The following ARHGAP5 variants were observed in gnomAD, a reference collection of about 807,000 sequenced individuals.
ARHGAP5 encodes Rho GTPase activating protein 5, also known as rho GTPase-activating protein 5.
ARHGAP5 carries 23 observed loss-of-function variants against 116.6 expected under a neutral mutation model. That is an observed-to-expected ratio of 0.20 (90% CI 0.14 to 0.28). The LOEUF (loss-of-function observed/expected upper bound fraction) is 0.28. ARHGAP5 is among the 10% of genes least tolerant of loss of function. The pLI is 1.00. For synonymous variants in ARHGAP5, 574 were observed against 602.0 expected, an observed-to-expected ratio of 0.95 and a Z score of 0.68; for missense variants, 1,405 against 1,774.8, an observed-to-expected ratio of 0.79 and a Z score of 3.74.
At chr14:32,116,933 A>C (rs374230131) in intron 2 of ARHGAP5, among the ~76,000 whole-genome samples, 48 of 152,244 alleles carry the variant, frequency 3.2e-4, no homozygotes, top group African/African-American at 1.1e-3. Flanking sequence ...TTTTCTTTCA[A>C]TAAGCCATTT....
chr14:32,101,072 C>A (rs971519175), intron 2 of ARHGAP5, among the ~76,000 whole-genome samples: 1 of 151,980 alleles, frequency 6.6e-6, no homozygotes, highest in Non-Finnish European at 1.5e-5. Flanking sequence ...TTTTTAACTT[C>A]TTTTTAAATT....
At chr14:32,141,172 C>T (rs755464841) in intron 3 of ARHGAP5, among the ~76,000 whole-genome samples, 1 of 152,118 alleles carries the variant, frequency 6.6e-6, no homozygotes, top group African/African-American at 2.4e-5. Flanking sequence ...ACTTTTCTAT[C>T]CTTTTACGTT....
chr14:32,120,302 T>C (rs1879819557), intron 3 of ARHGAP5, among the ~76,000 whole-genome samples: 1 of 152,102 alleles, frequency 6.6e-6, no homozygotes, highest in African/African-American at 2.4e-5. Context: ...ATTACTAAAT[T>C]GTGTCTTTTT....
intron 3 of ARHGAP5, among the ~76,000 whole-genome samples, chr14:32,137,999 T>C (rs1362261144): frequency 6.6e-6 from 1 of 151,636 alleles, no homozygotes; most frequent in African/African-American, 2.4e-5. Context: ...AAATTTCACC[T>C]TCCAATCCAC....
At chr14:32,105,506 CAT>C (rs1270356822) in intron 2 of ARHGAP5, among the ~76,000 whole-genome samples, 1 of 151,822 alleles carries the variant, frequency 6.6e-6, no homozygotes, top group Admixed American at 6.6e-5. Context: ...AGAGAGACCC[CAT>C]GTGCTCTTTG....
chr14:32,106,822 A>G (rs1566667808), intron 2 of ARHGAP5, among the ~76,000 whole-genome samples: 1 of 152,178 alleles, frequency 6.6e-6, no homozygotes, highest in Non-Finnish European at 1.5e-5. Context: ...CAAGTGCCTA[A>G]TAGATAGTAA....
Position 32,156,020 on chromosome 14 carries a change from T to C in ARHGAP5, c.*1072T>C, listed in dbSNP as rs760283796. On this transcript the variant is annotated 3_prime_UTR_variant, in exon 7 of 7. Coordinates refer to ENST00000345122, the MANE Select transcript of ARHGAP5 (RefSeq NM_001030055.2). Reference sequence around the variant, plus strand: ...AAAAATACTTTGGGTACTGACAGACTCTTTGGAGTGTTTATATTACAAATT... The same window carrying C: ...AAAAATACTTTGGGTACTGACAGACCCTTTGGAGTGTTTATATTACAAATT... 1 of 152,492 alleles carries C rather than the reference T, an allele frequency of 6.6e-6. No homozygotes were observed. The highest frequency in any genetic ancestry group is 1.9e-4 in the East Asian group (1 of 5,200). The allele number at this position is 152,492 out of a possible 1,614,324, so 9.4% of individuals were successfully genotyped here.
chr14:32,152,818 T>C (rs745773435), intron 6 of ARHGAP5, among the ~76,000 whole-genome samples: 3 of 152,164 alleles, frequency 2.0e-5, no homozygotes, highest in Non-Finnish European at 4.4e-5. Context: ...CAGATTGACC[T>C]ATTTGGAGTT....
intron 6 of ARHGAP5, among the ~76,000 whole-genome samples, chr14:32,153,335 A>T (rs1030786015): frequency 8.4e-6 from 1 of 119,436 alleles, no homozygotes; most frequent in Non-Finnish European, 1.6e-5. Context: ...TGAGCCCGGG[A>T]GGCGGAGGTT....
chr14:32,116,228 A>G (rs1250404983), intron 2 of ARHGAP5, among the ~76,000 whole-genome samples: 4 of 150,146 alleles, frequency 2.7e-5, no homozygotes, highest in Non-Finnish European at 5.9e-5. Flanking sequence ...CGGAGCTTGC[A>G]GTGAGCCTAG....
At position 32,092,574 on chromosome 14, in the gene ARHGAP5, G is replaced by A. The variant is rs761172412; in HGVS notation, c.1905G>A (p.Arg635=). 1 of 1,613,626 alleles carries A rather than the reference G, an allele frequency of 6.2e-7. No homozygotes were observed. Among genetic ancestry groups the A allele is most frequent in the Non-Finnish European group, 8.5e-7 (1 of 1,179,826 alleles). Reference sequence around the variant, plus strand: ...GAAAAATTTATGAACTTGATCTTCGGCCGGTTGATGCCAAATCGCCTTACT... The same window carrying A: ...GAAAAATTTATGAACTTGATCTTCGACCGGTTGATGCCAAATCGCCTTACT... ...LDGKIYELDL[R]PVDAKSPYFL... The change falls in exon 2 of 7, where the codon CGG becomes CGA. Residue 635 remains arginine, a synonymous_variant. Coordinates refer to ENST00000345122, the MANE Select transcript of ARHGAP5 (RefSeq NM_001030055.2). This position sits in a 1 kb window ranked among gnomAD's most constrained non-coding sequence, Gnocchi z 4.1.
At chr14:32,080,934 T>C (rs567296003) in intron 1 of ARHGAP5, among the ~76,000 whole-genome samples, 2 of 152,292 alleles carry the variant, frequency 1.3e-5, no homozygotes, top group African/African-American at 4.8e-5. Context: ...GTGGTTAAAA[T>C]GACTAGTATG....
intron 2 of ARHGAP5, among the ~76,000 whole-genome samples, chr14:32,112,555 G>A (rs759784788): frequency 1.3e-5 from 2 of 152,186 alleles, no homozygotes; most frequent in Non-Finnish European, 2.9e-5. Context: ...GTTCAGATAT[G>A]AATGAATGTA....
At chr14:32,140,117 T>TCC (rs1334157555) in intron 3 of ARHGAP5, among the ~76,000 whole-genome samples, 20 of 109,258 alleles carry the variant, frequency 1.8e-4, no homozygotes, top group African/African-American at 5.7e-4. Context: ...TTTTTTTCCT[T>TCC]TTTTTTTTTT....
At chr14:32,109,528 C>T (rs1412381583) in intron 2 of ARHGAP5, among the ~76,000 whole-genome samples, 1 of 151,958 alleles carries the variant, frequency 6.6e-6, no homozygotes, top group Admixed American at 6.6e-5. Context: ...ATTATTTTTA[C>T]ATTTTATAGC....
chr14:32,143,878 A>T (rs1881250597), intron 3 of ARHGAP5, among the ~76,000 whole-genome samples: 1 of 152,222 alleles, frequency 6.6e-6, no homozygotes. Flanking sequence ...CTTTGTTGTT[A>T]GAGGCTGTCC....
Position 32,154,727 on chromosome 14 carries a change from A to T in ARHGAP5, c.4288A>T (p.Thr1430Ser). ...TTTTGAAAATCGAGAGTTTCTGTCT[A>T]CTACTAAGATTCATCAATCTGTTGT... ...PDFENREFLS[T>S]TKIHQSVVET... Residue 1430 changes from threonine to serine, a missense_variant, in exon 7 of 7, where the codon ACT becomes TCT. Physicochemically the swap from Thr to Ser is moderately conservative, Grantham distance 58. Transcript: ENST00000345122. 1.9e-6 allele frequency: 3 copies of T among 1,614,130 alleles called. No homozygotes were observed. Among genetic ancestry groups the T allele is most frequent in the Non-Finnish European group, 2.5e-6 (3 of 1,179,980 alleles).
At chr14:32,112,437 A>G (rs1294164245) in intron 2 of ARHGAP5, among the ~76,000 whole-genome samples, 1 of 152,200 alleles carries the variant, frequency 6.6e-6, no homozygotes, top group African/African-American at 2.4e-5. Flanking sequence ...GGACACTTAA[A>G]GAGATGTAAT....
In ARHGAP5 at chr14:32,092,701, A is replaced by G. The variant is rs765813535; in HGVS notation, c.2032A>G (p.Ile678Val). 1 of 1,613,888 alleles carries G rather than the reference A, an allele frequency of 6.2e-7. No individual in the cohort carries two copies. The highest frequency in any genetic ancestry group is 1.7e-5 in the Admixed American group (1 of 59,986). The change falls in exon 2 of 7, where the codon ATA becomes GTA. Residue 678 changes from isoleucine to valine, a missense_variant. Ile to Val is a conservative substitution (Grantham distance 29). Around this residue, in one of 6 missense-constraint regions of ARHGAP5, gnomAD observed 944 missense variants for 1,095.3 expected, o/e 0.86. Transcript: ENST00000345122. The surrounding 1 kb of genome is among the most constrained non-coding windows in gnomAD (Gnocchi z 4.1). ...LSFIGEFIGK[I>V]RTEASQIRKD... ...TTTTATTGGGGAATTTATTGGGAAA[A>G]TAAGAACTGAAGCTTCTCAGATCAG...
Sources: gnomAD v4.1 joint callset for allele counts (sites outside exome capture counted in the v4.1 genomes callset) on GRCh38, gnomAD v4.1.1 for gene constraint, gnomAD v4.1.1 regional missense constraint, Gnocchi (gnomAD v3.1) non-coding constraint, MANE v1.5 for transcripts, NCBI Gene and HGNC (gene_info 2026-07-23, HGNC 2026-07-21) for gene names.